FAM13A: variants seen among roughly 807,000 people sequenced by gnomAD.
The protein encoded by FAM13A is protein FAM13A.
Under a neutral mutation model 129.6 loss-of-function variants are expected in FAM13A, and 76 were observed. The ratio of observed to expected loss-of-function variants is 0.59; its 90% CI spans 0.49 to 0.71. The LOEUF (loss-of-function observed/expected upper bound fraction) is 0.71. Among genes scored for constraint, FAM13A ranks in the 30% least tolerant of loss-of-function variants. The probability of loss-of-function intolerance (pLI) is 0.00; values close to 1 mark genes in which losing one functional copy is unlikely to be tolerated. For synonymous variants in FAM13A, 443 were observed against 449.9 expected (o/e 0.98, Z 0.20); for missense variants, 1,108 against 1,249.3 (o/e 0.89, Z 1.70).
chr4:88,897,552 A>G (rs773114630), intron 6 of FAM13A, among the ~76,000 whole-genome samples: 4 of 152,204 alleles, frequency 2.6e-5, no homozygotes, highest in Non-Finnish European at 5.9e-5. Flanking sequence ...CCATTTCTGG[A>G]TTACCATTTT....
chr4:89,030,712 T>C (rs1768571139), intron 1 of FAM13A, among the ~76,000 whole-genome samples: 1 of 152,166 alleles, frequency 6.6e-6, no homozygotes, highest in African/African-American at 2.4e-5. Context: ...AGAGACAGTT[T>C]CATCTTGCTC....
At chr4:89,024,633 G>C (rs1182238569) in intron 2 of FAM13A, among the ~76,000 whole-genome samples, 1 of 152,112 alleles carries the variant, frequency 6.6e-6, no homozygotes, top group African/African-American at 2.4e-5. Flanking sequence ...GTGTATCACA[G>C]GTGTACAGTA....
intron 14 of FAM13A, among the ~76,000 whole-genome samples, chr4:88,754,587 G>A (rs1179741542): frequency 1.3e-5 from 2 of 152,146 alleles, no homozygotes; most frequent in Admixed American, 1.3e-4. Flanking sequence ...AGCTGAGCTA[G>A]GAGGTACTTG....
chr4:88,845,722 A>G (rs17014690), intron 7 of FAM13A, among the ~76,000 whole-genome samples: 10,662 of 152,266 alleles, frequency 0.07, 526 homozygotes, highest in African/African-American at 0.14. Flanking sequence ...AATTAGAATC[A>G]TGAAGCAAGA....
chr4:88,998,312 T>C (rs573262689), intron 3 of FAM13A, among the ~76,000 whole-genome samples: 3 of 152,220 alleles, frequency 2.0e-5, no homozygotes, highest in African/African-American at 7.2e-5. Flanking sequence ...TAGACTGAAA[T>C]AGAGAGATTG....
At chr4:88,864,354 C>A (rs1437235113) in intron 6 of FAM13A, among the ~76,000 whole-genome samples, 21 of 152,190 alleles carry the variant, frequency 1.4e-4, no homozygotes, top group Admixed American at 1.2e-3. Context: ...TAAAACCTTT[C>A]TTTCAGAGTT....
At chr4:89,042,280 G>A (rs1327395793) in intron 1 of FAM13A, among the ~76,000 whole-genome samples, 1 of 152,030 alleles carries the variant, frequency 6.6e-6, no homozygotes, top group Non-Finnish European at 1.5e-5. Flanking sequence ...AGAAAAAAAG[G>A]ACTTGTAGCC....
At chr4:88,931,287 T>G (rs1255457722) in intron 5 of FAM13A, among the ~76,000 whole-genome samples, 1 of 152,174 alleles carries the variant, frequency 6.6e-6, no homozygotes, top group Non-Finnish European at 1.5e-5. Context: ...TGGATGCCTG[T>G]GGGATTCTGT....
chr4:88,728,279 A>C lies in FAM13A; in HGVS notation c.*254T>G. On this transcript the variant is annotated 3_prime_UTR_variant, in exon 24 of 24. Coordinates refer to ENST00000264344, the MANE Select transcript of FAM13A (RefSeq NM_014883.4). ...CACTACTGTGTGTGTGTGTGCGTGC[A>C]TGCGCGTGCGCATGTGCACATACTG... is the stretch of plus-strand genomic sequence containing the variant. 1 of 529,364 alleles carries C rather than the reference A, an allele frequency of 1.9e-6. No homozygotes were observed. Among genetic ancestry groups the C allele is most frequent in the African/African-American group, 1.9e-5 (1 of 52,554 alleles). 32.8% of individuals were successfully genotyped at this position (529,364 alleles called of 1,614,324 possible).
At chr4:88,779,503 C>A (rs1440828190) in intron 11 of FAM13A, among the ~76,000 whole-genome samples, 2 of 152,100 alleles carry the variant, frequency 1.3e-5, no homozygotes, top group East Asian at 3.9e-4. Context: ...TTTGAGAATA[C>A]CCTCACTTTA....
intron 11 of FAM13A, 36 bp downstream of exon 11, chr4:88,781,129 C>A (rs763615441): frequency 5.1e-6 from 7 of 1,361,460 alleles, no homozygotes; most frequent in South Asian, 1.5e-5. Context: ...TGTAATATTT[C>A]CTAACAAGTA....
chr4:88,857,978 G>A (rs1738840011), intron 6 of FAM13A, among the ~76,000 whole-genome samples: 1 of 152,176 alleles, frequency 6.6e-6, no homozygotes, highest in Admixed American at 6.5e-5. Context: ...TAATTCTATT[G>A]TGTAAACATT....
intron 4 of FAM13A, among the ~76,000 whole-genome samples, chr4:88,984,207 A>G (rs1761967172): frequency 6.6e-6 from 1 of 152,184 alleles, no homozygotes; most frequent in Non-Finnish European, 1.5e-5. Context: ...TTAGAAGATG[A>G]ATAAATCTTC....
chr4:88,979,503 C>A (rs188615333), intron 4 of FAM13A, among the ~76,000 whole-genome samples: 41 of 152,256 alleles, frequency 2.7e-4, no homozygotes, highest in East Asian at 1.9e-4. Flanking sequence ...AGTCATGTGA[C>A]CTTATGCAAG....
At chr4:88,945,659 T>C (rs193231524) in intron 4 of FAM13A, among the ~76,000 whole-genome samples, 2 of 151,520 alleles carry the variant, frequency 1.3e-5, no homozygotes, top group African/African-American at 4.9e-5. Flanking sequence ...TGCGACTGTT[T>C]GTTCAAATTG....
chr4:89,001,727 T>A (rs1764271921), intron 3 of FAM13A, among the ~76,000 whole-genome samples: 1 of 152,162 alleles, frequency 6.6e-6, no homozygotes, highest in Non-Finnish European at 1.5e-5. Context: ...ACAATACAGA[T>A]GGCATCAAGA....
intron 3 of FAM13A, among the ~76,000 whole-genome samples, chr4:89,007,030 T>C (rs1412773263): frequency 6.6e-6 from 1 of 152,122 alleles, no homozygotes; most frequent in Non-Finnish European, 1.5e-5. Flanking sequence ...AAAACAGGAA[T>C]GCCTGTTCTA....
At chr4:89,054,696 G>A (rs1467304535) in intron 1 of FAM13A, among the ~76,000 whole-genome samples, 2 of 152,100 alleles carry the variant, frequency 1.3e-5, no homozygotes, top group Non-Finnish European at 2.9e-5. Context: ...AAATAACCAT[G>A]AAAAATTAAC....
chr4:89,011,557 C>T (rs1765738758), intron 3 of FAM13A, among the ~76,000 whole-genome samples: 2 of 152,052 alleles, frequency 1.3e-5, no homozygotes, highest in African/African-American at 4.8e-5. Flanking sequence ...CTTTCTTAAA[C>T]ATTTTATTAT....
Sources: allele counts gnomAD v4.1 joint callset (sites outside exome capture counted in the v4.1 genomes callset), GRCh38; gene constraint gnomAD v4.1.1; transcripts MANE v1.5; gene names NCBI Gene and HGNC (gene_info 2026-07-23, HGNC 2026-07-21).